The following CSMD3 variants were observed in gnomAD, a reference collection of about 807,000 sequenced individuals.
The protein encoded by CSMD3 is CUB and Sushi multiple domains 3, also known as CUB and sushi domain-containing protein 3.
A neutral mutation model predicts 435.2 loss-of-function variants in CSMD3; 177 were observed. That is an observed-to-expected ratio of 0.41 (90% CI 0.36 to 0.46). The LOEUF is 0.46. Ranked by LOEUF, CSMD3 falls within the 20% of genes least tolerant of loss-of-function variation. The probability of loss-of-function intolerance (pLI) is 0.34; values close to 1 mark genes in which losing one functional copy is unlikely to be tolerated. For synonymous variants in CSMD3, 1,656 were observed against 1,520.5 expected (o/e 1.09, Z -2.07); for missense variants, 4,265 against 4,504.6 (o/e 0.95, Z 1.52).
At chr8:112,583,341 GT>G (rs11321112) in intron 23 of CSMD3, among the ~76,000 whole-genome samples, 87,862 of 151,576 alleles carry the variant, frequency 0.58, 26,078 homozygotes, top group African/African-American at 0.7. Flanking sequence ...AGTGGAAATA[GT>G]TGAGAGATCA....
At chr8:113,329,658 T>G (rs530614095) in intron 1 of CSMD3, among the ~76,000 whole-genome samples, 1 of 148,000 alleles carries the variant, frequency 6.8e-6, no homozygotes, top group Non-Finnish European at 1.5e-5. Flanking sequence ...AAATAACATA[T>G]AGAGATCCAC....
intron 23 of CSMD3, among the ~76,000 whole-genome samples, chr8:112,576,517 T>A (rs1829957102): frequency 6.6e-6 from 1 of 151,962 alleles, no homozygotes; most frequent in South Asian, 2.1e-4. Flanking sequence ...ATACATTTTT[T>A]TTCCTTTTGT....
intron 26 of CSMD3, among the ~76,000 whole-genome samples, chr8:112,551,286 C>A (rs1827663105): frequency 6.6e-6 from 1 of 151,998 alleles, no homozygotes; most frequent in South Asian, 2.1e-4. Context: ...ACAAATATGG[C>A]AAATGGAGTT....
At chr8:113,163,698 T>C (rs187236336) in intron 4 of CSMD3, among the ~76,000 whole-genome samples, 516 of 152,156 alleles carry the variant, frequency 3.4e-3, no homozygotes, top group Middle Eastern at 6.8e-3. Context: ...ATTCAAACTT[T>C]GAAAATATAT....
At chr8:112,295,744 A>C in intron 54 of CSMD3, 89 bp downstream of exon 54, 1 of 1,095,032 alleles carries the variant, frequency 9.1e-7, no homozygotes, top group South Asian at 1.3e-5. Flanking sequence ...ATATATAACA[A>C]CATAATATAT....
chr8:113,088,776 G>A (rs1301194385), intron 5 of CSMD3, among the ~76,000 whole-genome samples: 1 of 149,732 alleles, frequency 6.7e-6, no homozygotes, highest in African/African-American at 2.5e-5. Flanking sequence ...CTAGTTAATG[G>A]GTGCAGCACA....
intron 1 of CSMD3, among the ~76,000 whole-genome samples, chr8:113,346,075 C>G (rs1212289289): frequency 1.3e-5 from 2 of 151,974 alleles, no homozygotes; most frequent in Non-Finnish European, 2.9e-5. Context: ...TTGGATTATT[C>G]AAGGTATTTT....
At chr8:113,146,129 T>C (rs755175020) in intron 4 of CSMD3, among the ~76,000 whole-genome samples, 2 of 151,442 alleles carry the variant, frequency 1.3e-5, no homozygotes, top group Non-Finnish European at 3.0e-5. Context: ...ATTAAATATA[T>C]ATTAACATAA....
intron 3 of CSMD3, among the ~76,000 whole-genome samples, chr8:113,181,675 A>C (rs911521802): frequency 5.9e-5 from 9 of 152,070 alleles, no homozygotes; most frequent in Non-Finnish European, 1.2e-4. Flanking sequence ...AAATATAAAA[A>C]GTTATGATTA....
At chr8:112,259,843 A>G (rs564706459) in intron 61 of CSMD3, among the ~76,000 whole-genome samples, 1 of 152,196 alleles carries the variant, frequency 6.6e-6, no homozygotes, top group Non-Finnish European at 1.5e-5. Context: ...CCCAGTGAAC[A>G]TCATCAATGG....
At chr8:113,241,947 CTATA>C (rs753893968) in intron 3 of CSMD3, among the ~76,000 whole-genome samples, 1 of 149,188 alleles carries the variant, frequency 6.7e-6, no homozygotes, top group Non-Finnish European at 1.5e-5. Context: ...TAAAAAATTA[CTATA>C]TATATATATA....
At chr8:113,168,864 A>G (rs926880902) in intron 4 of CSMD3, among the ~76,000 whole-genome samples, 3 of 152,110 alleles carry the variant, frequency 2.0e-5, no homozygotes, top group African/African-American at 4.8e-5. Context: ...GGGACTTACT[A>G]TGCATAAAAT....
At chr8:112,469,150 C>A in intron 32 of CSMD3, among the ~76,000 whole-genome samples, 5 of 111,820 alleles carry the variant, frequency 4.5e-5, no homozygotes, top group South Asian at 3.1e-4. Flanking sequence ...GCATTTAATT[C>A]TACACCAGGC....
chr8:112,302,816 A>C (rs761575459), intron 52 of CSMD3, among the ~76,000 whole-genome samples: 142 of 151,310 alleles, frequency 9.4e-4, no homozygotes, highest in Middle Eastern at 6.8e-3. Context: ...TCATCCCCCC[A>C]AAAAAAATCA....
chr8:112,887,793 C>G (rs1024266257), intron 10 of CSMD3, among the ~76,000 whole-genome samples: 6 of 150,412 alleles, frequency 4.0e-5, no homozygotes. Flanking sequence ...AAATTTTTCA[C>G]AGCATTTAGA....
chr8:113,058,374 T>C (rs939560597), intron 5 of CSMD3, among the ~76,000 whole-genome samples: 8 of 151,974 alleles, frequency 5.3e-5, no homozygotes, highest in African/African-American at 1.7e-4. Flanking sequence ...AGATAAAGTT[T>C]GAATATTATG....
At chr8:112,227,463 T>C (rs1024135746) in intron 70 of CSMD3, among the ~76,000 whole-genome samples, 2 of 152,140 alleles carry the variant, frequency 1.3e-5, no homozygotes, top group Non-Finnish European at 2.9e-5. Flanking sequence ...TTCCAAAATA[T>C]TTTGGAAATA....
intron 4 of CSMD3, among the ~76,000 whole-genome samples, chr8:113,099,529 A>G (rs567377940): frequency 7.7e-4 from 118 of 152,270 alleles, no homozygotes; most frequent in African/African-American, 2.8e-3. Flanking sequence ...TTACAGAGAA[A>G]TAATAGGGTA....
intron 10 of CSMD3, among the ~76,000 whole-genome samples, chr8:112,863,024 C>G (rs1243282477): frequency 6.6e-6 from 1 of 151,932 alleles, no homozygotes; most frequent in Non-Finnish European, 1.5e-5. Flanking sequence ...ATTTTTTGCT[C>G]TGACTTTTCT....
Sources: allele counts gnomAD v4.1 joint callset (sites outside exome capture counted in the v4.1 genomes callset), GRCh38; gene constraint gnomAD v4.1.1; transcripts MANE v1.5; gene names NCBI Gene and HGNC (gene_info 2026-07-23, HGNC 2026-07-21).